The following MBNL1 variants were observed in gnomAD, a reference collection of about 807,000 sequenced individuals.
The protein encoded by MBNL1 is muscleblind-like protein 1.
MBNL1 carries 8 observed loss-of-function variants against 42.2 expected under a neutral mutation model. The ratio of observed to expected loss-of-function variants is 0.19; its 90% confidence interval spans 0.11 to 0.34. The LOEUF is 0.34. MBNL1 is among the 10% of genes least tolerant of loss of function. The probability of loss-of-function intolerance (pLI) is 1.00; values close to 1 mark genes in which losing one functional copy is unlikely to be tolerated. For missense variants in MBNL1, 309 were observed against 495.3 expected (o/e 0.62, Z 3.57); for synonymous variants, 169 against 173.9 (o/e 0.97, Z 0.22).
intron 2 of MBNL1, among the ~76,000 whole-genome samples, chr3:152,379,199 G>C (rs2097068836): frequency 6.6e-6 from 1 of 152,028 alleles, no homozygotes; most frequent in Non-Finnish European, 1.5e-5. Flanking sequence ...TTACCCTTGG[G>C]TTTCTCTTGG....
intron 2 of MBNL1, among the ~76,000 whole-genome samples, chr3:152,344,756 G>A (rs776832312): frequency 2.0e-5 from 3 of 152,094 alleles, no homozygotes; most frequent in Non-Finnish European, 2.9e-5. Flanking sequence ...TCACTTACAC[G>A]TGTACCTTAT....
intron 1 of MBNL1, among the ~76,000 whole-genome samples, chr3:152,283,678 A>G (rs1327397110): frequency 1.3e-5 from 2 of 152,208 alleles, no homozygotes; most frequent in African/African-American, 4.8e-5. Flanking sequence ...GCCTGCCTTT[A>G]AGGCCCTTAC....
intron 3 of MBNL1, among the ~76,000 whole-genome samples, chr3:152,415,575 G>A (rs1343508928): frequency 6.6e-6 from 1 of 152,082 alleles, no homozygotes; most frequent in African/African-American, 2.4e-5. Flanking sequence ...TACCTTTCTT[G>A]TTCTTCTATA....
At chr3:152,245,498 G>T (rs1157591119) in intron 2 of MBNL1, among the ~76,000 whole-genome samples, 1 of 152,118 alleles carries the variant, frequency 6.6e-6, no homozygotes, top group Admixed American at 6.5e-5. Flanking sequence ...TACCGTGTGA[G>T]ATTTGGTAAG....
intron 8 of MBNL1, among the ~76,000 whole-genome samples, chr3:152,457,419 T>C (rs1023837995): frequency 6.6e-6 from 1 of 152,212 alleles, no homozygotes; most frequent in African/African-American, 2.4e-5. Context: ...AAGACATAGA[T>C]TTGTTGTTAT....
intron 2 of MBNL1, chr3:152,338,547 C>T (rs2092006902): frequency 3.0e-6 from 3 of 985,220 alleles, no homozygotes; most frequent in Non-Finnish European, 3.6e-6. Context: ...CCTGGACACT[C>T]AGTGGTAGCA....
rs578221715 is a variant in MBNL1 at position 152,445,211 on chromosome 3, T to A, written c.550-71T>A. On this transcript the variant is annotated intron_variant, in intron 4 of 9. Coordinates refer to ENST00000324210, the MANE Select transcript of MBNL1 (RefSeq NM_021038.5). ...GCCTTCTGTCACCAGTCTTGCACTTTAAGTTAAAATCTTCAGAAAGCTTCT... is the reference window on the plus strand; with the variant it reads ...GCCTTCTGTCACCAGTCTTGCACTTAAAGTTAAAATCTTCAGAAAGCTTCT... 5 of 1,407,940 alleles carry A rather than the reference T, an allele frequency of 3.6e-6. No homozygotes were observed. The African/African-American group carries it at 7.1e-5, about 20-fold the overall frequency. 87.2% of individuals were successfully genotyped at this position (1,407,940 alleles called of 1,614,324 possible). A position where few individuals can be genotyped will look rare whatever the true frequency, so the allele number is the denominator to read the frequency against.
chr3:152,418,127 G>A (rs1342345162), intron 3 of MBNL1, among the ~76,000 whole-genome samples: 1 of 152,124 alleles, frequency 6.6e-6, no homozygotes, highest in African/African-American at 2.4e-5. Context: ...TACATTAGGG[G>A]CATTTACTGC....
chr3:152,334,484 A>G (rs865952686), intron 2 of MBNL1, among the ~76,000 whole-genome samples: 1 of 152,208 alleles, frequency 6.6e-6, no homozygotes, highest in Non-Finnish European at 1.5e-5. Flanking sequence ...ATAATCAAAA[A>G]CATCAAAATG....
intron 3 of MBNL1, among the ~76,000 whole-genome samples, chr3:152,424,563 G>GAAA (rs560245855): frequency 8.9e-5 from 12 of 134,166 alleles, no homozygotes; most frequent in African/African-American, 1.9e-4. Context: ...CACAGAATTA[G>GAAA]AAAAAAAAAA....
chr3:152,458,319 G>C, intron 8 of MBNL1: 1 of 743,232 alleles, frequency 1.3e-6, no homozygotes, highest in Non-Finnish European at 2.3e-6. Flanking sequence ...ACGCCAGACT[G>C]TGGATTGTAG....
chr3:152,276,525 C>G (rs1464338416), intron 1 of MBNL1, among the ~76,000 whole-genome samples: 1 of 152,014 alleles, frequency 6.6e-6, no homozygotes, highest in Non-Finnish European at 1.5e-5. Context: ...CTGATAGGAG[C>G]TTGAGAACAT....
intron 2 of MBNL1, among the ~76,000 whole-genome samples, chr3:152,346,899 C>G (rs73869995): frequency 7.8e-6 from 1 of 128,302 alleles, no homozygotes; most frequent in Non-Finnish European, 1.7e-5. Context: ...AAAAAAAAAA[C>G]CAGTCATGGT....
intron 2 of MBNL1, among the ~76,000 whole-genome samples, chr3:152,399,966 C>A (rs1183382543): frequency 1.3e-5 from 2 of 152,182 alleles, no homozygotes; most frequent in African/African-American, 4.8e-5. Flanking sequence ...ATTCTGGCTA[C>A]CAAATGGTAG....
chr3:152,374,053 A>G (rs2096793269), intron 2 of MBNL1, among the ~76,000 whole-genome samples: 1 of 152,202 alleles, frequency 6.6e-6, no homozygotes, highest in South Asian at 2.1e-4. Context: ...GTGTATATGC[A>G]TCTTTTACAT....
At chr3:152,412,754 A>AT (rs149168552) in intron 2 of MBNL1, among the ~76,000 whole-genome samples, 7,909 of 152,216 alleles carry the variant, frequency 0.052, 299 homozygotes, top group Admixed American at 0.09. Context: ...AGGTACTGGA[A>AT]TGAAGTGCTT....
intron 2 of MBNL1, among the ~76,000 whole-genome samples, chr3:152,346,594 T>C (rs1169554745): frequency 6.6e-6 from 1 of 152,138 alleles, no homozygotes; most frequent in East Asian, 1.9e-4. Context: ...TTGTACCTTA[T>C]ATGACTTATT....
chr3:152,405,479 A>G (rs1227603340), intron 2 of MBNL1, among the ~76,000 whole-genome samples: 3 of 152,222 alleles, frequency 2.0e-5, no homozygotes, highest in South Asian at 2.1e-4. Context: ...TAATAAAAAT[A>G]TACCTTTTGG....
At chr3:152,460,162 G>A (rs1447507416) in intron 9 of MBNL1, among the ~76,000 whole-genome samples, 4 of 151,740 alleles carry the variant, frequency 2.6e-5, no homozygotes, top group African/African-American at 9.7e-5. Flanking sequence ...GCTAAAGTGG[G>A]AGGATCACTT....
Sources: allele counts gnomAD v4.1 joint callset (sites outside exome capture counted in the v4.1 genomes callset), GRCh38; gene constraint gnomAD v4.1.1; transcripts MANE v1.5; gene names NCBI Gene and HGNC (gene_info 2026-07-23, HGNC 2026-07-21).